NRIP1: variants seen among roughly 807,000 people sequenced by gnomAD.
NRIP1 encodes nuclear receptor-interacting protein 1.
In NRIP1, 28 loss-of-function variants were observed where a neutral mutation model predicts 75.0. The ratio of observed to expected loss-of-function variants is 0.37; its 90% CI spans 0.28 to 0.51. NRIP1 has a LOEUF of 0.51. NRIP1 is among the 20% of genes least tolerant of loss of function. The pLI is 0.92. For synonymous variants in NRIP1, 526 were observed against 487.6 expected (o/e 1.08, Z -1.04); for missense variants, 1,435 against 1,343.7 (o/e 1.07, Z -1.06).
chr21:15,020,073 T>G (rs759854846), intron 2 of NRIP1, among the ~76,000 whole-genome samples: 5 of 151,902 alleles, frequency 3.3e-5, no homozygotes, highest in Non-Finnish European at 7.4e-5. Flanking sequence ...CTGATCTACC[T>G]AAATGCCATC....
chr21:14,992,696 T>C (rs1197038013), intron 3 of NRIP1: 3 of 152,158 alleles, frequency 2.0e-5, no homozygotes, highest in Non-Finnish European at 4.4e-5. Context: ...ATTCTTTCAA[T>C]ATGCTAAAAA....
intron 3 of NRIP1, among the ~76,000 whole-genome samples, chr21:15,011,435 C>T (rs951582265): frequency 1.3e-5 from 2 of 152,116 alleles, no homozygotes; most frequent in African/African-American, 2.4e-5. Flanking sequence ...GTGATCCGCC[C>T]GCCTCGGCCT....
At chr21:14,975,181 C>T (rs1344178548) in intron 3 of NRIP1, among the ~76,000 whole-genome samples, 56 of 152,086 alleles carry the variant, frequency 3.7e-4, no homozygotes, top group Non-Finnish European at 1.5e-5. Flanking sequence ...CTGAAGACAA[C>T]AGTCAGTGGT....
At chr21:14,992,630 G>A (rs1046979143) in intron 3 of NRIP1, 3 of 151,840 alleles carry the variant, frequency 2.0e-5, no homozygotes, top group Admixed American at 2.0e-4. Context: ...CTGCCCCCCA[G>A]AAATACGTAT....
At chr21:14,976,050 T>C (rs112494521) in intron 3 of NRIP1, among the ~76,000 whole-genome samples, 22 of 152,278 alleles carry the variant, frequency 1.4e-4, no homozygotes, top group African/African-American at 5.1e-4. Context: ...ATTTGAAAAC[T>C]AAAACTGAGT....
At chr21:15,023,033 A>C (rs1291564394) in intron 2 of NRIP1, among the ~76,000 whole-genome samples, 1 of 152,164 alleles carries the variant, frequency 6.6e-6, no homozygotes, top group East Asian at 1.9e-4. Context: ...ATCTAGACAG[A>C]AGGATCGGTG....
chr21:15,005,146 AATAG>A (rs751257000), intron 3 of NRIP1, among the ~76,000 whole-genome samples: 3 of 152,248 alleles, frequency 2.0e-5, no homozygotes, highest in Non-Finnish European at 2.9e-5. Context: ...AGCAATGACA[AATAG>A]ATAGGAATGA....
chr21:15,049,954 C>G (rs2036806708), intron 1 of NRIP1, among the ~76,000 whole-genome samples: 1 of 152,118 alleles, frequency 6.6e-6, no homozygotes, highest in Admixed American at 6.5e-5. Context: ...CATGATGTCA[C>G]TTTGTCCTTT....
At chr21:15,001,029 C>T (rs1401005020) in intron 3 of NRIP1, among the ~76,000 whole-genome samples, 1 of 152,136 alleles carries the variant, frequency 6.6e-6, no homozygotes, top group Non-Finnish European at 1.5e-5. Flanking sequence ...AGACCAATGT[C>T]TATAGCTTGT....
intron 3 of NRIP1, among the ~76,000 whole-genome samples, chr21:15,001,148 T>C (rs1568970894): frequency 6.6e-6 from 1 of 152,196 alleles, no homozygotes; most frequent in Admixed American, 6.5e-5. Flanking sequence ...TGTAAAGCTA[T>C]ATACTAGTTT....
chr21:15,038,940 A>G (rs1398267217), intron 2 of NRIP1, among the ~76,000 whole-genome samples: 11 of 152,132 alleles, frequency 7.2e-5, no homozygotes, highest in Admixed American at 7.2e-4. Context: ...TCCCAATTTT[A>G]GAAAGATTAA....
intron 3 of NRIP1, among the ~76,000 whole-genome samples, chr21:14,993,084 A>G (rs1043532728): frequency 2.0e-5 from 3 of 152,234 alleles, no homozygotes; most frequent in African/African-American, 7.2e-5. Context: ...TAATTATCAA[A>G]AAAATGTTGA....
At chr21:15,030,773 A>C (rs1771781270) in intron 2 of NRIP1, among the ~76,000 whole-genome samples, 1 of 152,216 alleles carries the variant, frequency 6.6e-6, no homozygotes, top group African/African-American at 2.4e-5. Context: ...AAATAAATTC[A>C]GGAAATGATG....
intron 3 of NRIP1, among the ~76,000 whole-genome samples, chr21:15,008,872 C>G (rs2088036639): frequency 6.6e-6 from 1 of 152,106 alleles, no homozygotes; most frequent in South Asian, 2.1e-4. Flanking sequence ...CATAAGTGTA[C>G]AGTAGAGTTG....
At chr21:14,999,407 T>C (rs533716747) in intron 3 of NRIP1, among the ~76,000 whole-genome samples, 1 of 152,332 alleles carries the variant, frequency 6.6e-6, no homozygotes, top group Admixed American at 6.5e-5. Context: ...GAAAATTCTG[T>C]GTGTATGAGT....
intron 2 of NRIP1, among the ~76,000 whole-genome samples, chr21:15,025,119 A>G (rs1379224893): frequency 6.6e-6 from 1 of 152,148 alleles, no homozygotes; most frequent in Non-Finnish European, 1.5e-5. Flanking sequence ...TGTGCAATGT[A>G]GAAATCGATG....
In NRIP1 at chr21:14,962,797, T is replaced by C. The variant is rs2086625590; in HGVS notation, c.*1919A>G. 6.6e-6 allele frequency: 1 copy of C among 152,398 alleles called. No homozygotes were observed. Among genetic ancestry groups the C allele is most frequent in the Non-Finnish European group, 1.5e-5 (1 of 67,940 alleles). 9.4% of individuals were successfully genotyped at this position (152,398 alleles called of 1,614,324 possible). The stretch of plus-strand genomic sequence containing the variant: ...ATTTACAAATCATTCTGAGGAAAAA[T>C]AACCATTTAGGGTTTTAGATCATAT... On this transcript the variant is annotated 3_prime_UTR_variant, in exon 4 of 4. Coordinates refer to ENST00000318948, the MANE Select transcript of NRIP1 (RefSeq NM_003489.4).
At chr21:15,051,283 T>C (rs943414432) in intron 1 of NRIP1, 12 of 166,170 alleles carry the variant, frequency 7.2e-5, no homozygotes, top group Non-Finnish European at 1.2e-4. Flanking sequence ...TGTGTGTGTG[T>C]GCGCGTGTGT....
Position 14,968,368 on chromosome 21 carries a change from A to G in NRIP1, c.-176T>C. 1.7e-6 allele frequency: 1 copy of G among 604,914 alleles called. No individual in the cohort carries two copies. The allele number at this position is 604,914 out of a possible 1,614,324, so 37.5% of individuals were successfully genotyped here. A position where few individuals can be genotyped will look rare whatever the true frequency, so the allele number is the denominator to read the frequency against. On this transcript the variant is annotated 5_prime_UTR_variant, in exon 4 of 4. Coordinates refer to ENST00000318948, the MANE Select transcript of NRIP1 (RefSeq NM_003489.4). The stretch of plus-strand genomic sequence containing the variant: ...ATTTCTTCTGGCAATGACAAGATAA[A>G]TGCAGTCTGACCACAGTGCTGATCA...
Sources: gnomAD v4.1 joint callset for allele counts (sites outside exome capture counted in the v4.1 genomes callset) on GRCh38, gnomAD v4.1.1 for gene constraint, MANE v1.5 for transcripts, NCBI Gene and HGNC (gene_info 2026-07-23, HGNC 2026-07-21) for gene names.